The following UCP3 variants were observed in gnomAD, a reference collection of about 807,000 sequenced individuals.
The protein encoded by UCP3 is putative mitochondrial transporter UCP3.
Under a neutral mutation model 28.1 loss-of-function variants are expected in UCP3, and 24 were observed. The observed-to-expected ratio is 0.85, with a 90% CI of 0.62 to 1.20. UCP3 has a LOEUF of 1.20. Among genes scored for constraint, UCP3 ranks in the 50% most tolerant of loss-of-function variants. The pLI is 0.00. For synonymous variants in UCP3, 184 were observed against 171.2 expected, an observed-to-expected ratio of 1.07 and a Z score of -0.59; for missense variants, 397 against 422.2, an observed-to-expected ratio of 0.94 and a Z score of 0.52.
At chr11:74,002,894 G>A (rs1951631430) in intron 6 of UCP3, 1 of 985,478 alleles carries the variant, frequency 1.0e-6, no homozygotes, top group South Asian at 4.7e-5. Flanking sequence ...AGCAGTGGGA[G>A]GTGAAAGGGC....
At position 74,003,294 on chromosome 11, in the gene UCP3, G is replaced by A. The variant is rs1626521; in HGVS notation, c.824+533C>T. On this transcript the variant is annotated intron_variant, in intron 6 of 6. Coordinates refer to ENST00000314032, the MANE Select transcript of UCP3 (RefSeq NM_003356.4). Reference sequence around the variant, plus strand: ...CAAATACTATAATACAAGGCAGGAGGTGATAAATACCATAAAAATGGTATC... The same window carrying A: ...CAAATACTATAATACAAGGCAGGAGATGATAAATACCATAAAAATGGTATC... Among the ~76,000 whole-genome samples the A allele has an allele frequency of 0.32, 48,624 of 152,112 alleles. 8,247 individuals carry two copies. The highest frequency in any genetic ancestry group is 0.42 in the African/African-American group (17,440 of 41,468).
intron 3 of UCP3, 96 bp from the exon 4 acceptor site, chr11:74,006,029 G>A (rs11235972): frequency 0.24 from 368,296 of 1,560,654 alleles, 45,438 homozygotes; most frequent in East Asian, 0.29. Flanking sequence ...CTTCCTTGAT[G>A]TCCACTCAGA....
rs1951634965 is a variant in UCP3 at position 74,003,399 on chromosome 11, G to A, written c.824+428C>T. 15 of 967,002 alleles carry A rather than the reference G, an allele frequency of 1.6e-5. No homozygotes were observed. In the South Asian group the frequency reaches 2.9e-4, roughly 18 times the overall value. The allele number at this position is 967,002 out of a possible 1,614,324, so 59.9% of individuals were successfully genotyped here. On this transcript the variant is annotated intron_variant, in intron 6 of 6. Coordinates refer to ENST00000314032, the MANE Select transcript of UCP3 (RefSeq NM_003356.4). Reference sequence around the variant, plus strand: ...TAGGGAGGAGGTGGCATTTGAACTCGTCTTGAAGGATGGCTAAAATTGACA... The same window carrying A: ...TAGGGAGGAGGTGGCATTTGAACTCATCTTGAAGGATGGCTAAAATTGACA...
chr11:74,001,831 CCCAGGG>C (rs1951624127), intron 6 of UCP3: 1 of 369,224 alleles, frequency 2.7e-6, no homozygotes, highest in Non-Finnish European at 5.1e-6. Flanking sequence ...CAAACTGAGG[CCCAGGG>C]AGGTTAAGAG....
intron 4 of UCP3, among the ~76,000 whole-genome samples, chr11:74,005,040 G>C (rs1175578844): frequency 2.0e-5 from 3 of 152,210 alleles, no homozygotes; most frequent in Admixed American, 1.3e-4. Flanking sequence ...GCTCTGAAGG[G>C]TGCCCAACAA....
intron 4 of UCP3, 151 bp downstream of exon 4, chr11:74,005,579 C>T (rs2135388413): frequency 1.1e-6 from 1 of 911,524 alleles, no homozygotes; most frequent in Non-Finnish European, 1.7e-6. Flanking sequence ...GGGGCTGTGG[C>T]AGGTCAGTGA....
chr11:74,003,872 A>C lies in UCP3; in HGVS notation c.779T>G (p.Met260Arg). 6.2e-7 allele frequency: 1 copy of C among 1,613,876 alleles called. No individual in the cohort carries two copies. The highest frequency in any genetic ancestry group is 1.1e-5 in the South Asian group (1 of 91,058). ...GCCCTCCTGGGCCACCATCTTTATCATACAGTCGAGGGGGCTGAAGTACTG... is the reference window on the plus strand; with the variant it reads ...GCCCTCCTGGGCCACCATCTTTATCCTACAGTCGAGGGGGCTGAAGTACTG... ...PGQYFSPLDCMIKMVAQEGPT... is the reference protein window; with the variant it reads ...PGQYFSPLDCRIKMVAQEGPT... Residue 260 changes from methionine to arginine, a missense_variant, in exon 6 of 7, where the codon ATG (methionine) becomes AGG (arginine). Coordinates refer to ENST00000314032, the MANE Select transcript of UCP3 (RefSeq NM_003356.4).
chr11:74,005,167 C>CGCA (rs139067754), intron 4 of UCP3, among the ~76,000 whole-genome samples: 1,538 of 152,320 alleles, frequency 0.01, 26 homozygotes, highest in African/African-American at 0.035. Context: ...CTGCATTCAT[C>CGCA]GCAGTGGCTG....
At chr11:74,006,813 C>A (rs1193018994) in intron 2 of UCP3, 104 bp downstream of exon 2, 1 of 1,574,328 alleles carries the variant, frequency 6.4e-7, no homozygotes, top group Non-Finnish European at 8.7e-7. Context: ...GAGTCTTTGT[C>A]AGGGTTCTGA....
chr11:74,004,158 A>T, intron 5 of UCP3, 151 bp from the exon 6 acceptor site: 1 of 1,382,972 alleles, frequency 7.2e-7, no homozygotes, highest in South Asian at 1.3e-5. Context: ...GCTCTTGGTA[A>T]GTACTGGCAA....
intron 1 of UCP3, 66 bp from the exon 2 acceptor site, chr11:74,007,203 T>C (rs1429586771): frequency 2.1e-6 from 2 of 931,184 alleles, no homozygotes; most frequent in South Asian, 1.7e-5. Context: ...GAACTCTTCC[T>C]TACCCAGGAG....
At chr11:74,002,670 G>A in intron 6 of UCP3, 1 of 847,100 alleles carries the variant, frequency 1.2e-6, no homozygotes, top group Non-Finnish European at 1.4e-6. Context: ...CCTACAAGAT[G>A]CTCCAGAAAT....
chr11:74,005,774 T>C lies in UCP3; in HGVS notation c.497A>G (p.Tyr166Cys). 4 of 1,614,206 alleles carry C rather than the reference T, an allele frequency of 2.5e-6. No individual in the cohort carries two copies. The highest frequency in any genetic ancestry group is 1.1e-5 in the South Asian group (1 of 91,084). The change falls in exon 4 of 7, where the codon TAC becomes TGC. Residue 166 changes from tyrosine (Y) to cysteine (C), a missense_variant. By Grantham distance (194) the Tyr-to-Cys change is radical. Transcript: ENST00000314032. ...TCCTTCCTCCCTGGCGATGGTTCTG[T>C]AGGCGTCCATAGTCCCGCTGTATTT... ...DRKYSGTMDA[Y>C]RTIAREEGVR... is the part of the protein sequence containing the mutation.
At chr11:74,007,969 C>T (rs1404487839) in intron 1 of UCP3, among the ~76,000 whole-genome samples, 1 of 152,100 alleles carries the variant, frequency 6.6e-6, no homozygotes, top group Non-Finnish European at 1.5e-5. Flanking sequence ...TGCTGGGGCT[C>T]CTGAGGGATG....
At chr11:74,003,111 C>T (rs1046455952) in intron 6 of UCP3, 2 of 247,536 alleles carry the variant, frequency 8.1e-6, no homozygotes, top group South Asian at 1.5e-4. Flanking sequence ...GTGCTCAGCA[C>T]GAGGCCTAAT....
rs1951621628 is a variant in UCP3 at position 74,001,511 on chromosome 11, A to C, written c.840T>G (p.Phe280Leu). 3 of 1,614,090 alleles carry C rather than the reference A, an allele frequency of 1.9e-6. No homozygotes were observed. The highest frequency in any genetic ancestry group is 2.5e-6 in the Non-Finnish European group (3 of 1,180,016). Residue 280 changes from phenylalanine to leucine, a missense_variant, in exon 7 of 7, where the codon TTT (phenylalanine) becomes TTG (leucine). Transcript: ENST00000314032. Reference protein sequence around the residue: ...TAFYKGFTPSFLRLGSWNVVM... With the variant: ...TAFYKGFTPSLLRLGSWNVVM... The stretch of plus-strand genomic sequence containing the variant: ...CCACGTTCCAGGATCCCAAACGCAA[A>C]AAGGAGGGTGTAAATCTGATAAGAA...
rs776020758 is a variant in UCP3 at position 74,006,330 on chromosome 11, C to T, written c.176G>A (p.Arg59His). The change falls in exon 3 of 7, where the codon CGT (arginine) becomes CAT (histidine). Residue 59 changes from arginine to histidine, a missense_variant. Coordinates refer to ENST00000314032, the MANE Select transcript of UCP3 (RefSeq NM_003356.4). ...AVQTARLVQY[R>H]GVLGTILTMV... ...GGTCAGGATGGTGCCCAGCACGCCA[C>T]GGTACTGCACGAGCCGGGCCGTCTG... 18 of 1,597,984 alleles carry T rather than the reference C, an allele frequency of 1.1e-5. No individual in the cohort carries two copies. The highest frequency in any genetic ancestry group is 6.7e-5 in the East Asian group (3 of 44,614).
intron 1 of UCP3, 27 bp from the exon 2 acceptor site, chr11:74,007,164 G>T: frequency 1.5e-6 from 2 of 1,306,860 alleles, no homozygotes; most frequent in Non-Finnish European, 2.1e-6. Flanking sequence ...AGAGAAGGCT[G>T]ATGGAGTGAT....
intron 1 of UCP3, among the ~76,000 whole-genome samples, chr11:74,008,729 G>A (rs1355052469): frequency 1.3e-5 from 2 of 152,206 alleles, no homozygotes; most frequent in African/African-American, 4.8e-5. Flanking sequence ...AAGGCAAAGG[G>A]GGTGTGAGTC....
Sources: allele counts gnomAD v4.1 joint callset (sites outside exome capture counted in the v4.1 genomes callset), GRCh38; gene constraint gnomAD v4.1.1; transcripts MANE v1.5; gene names NCBI Gene and HGNC (gene_info 2026-07-23, HGNC 2026-07-21).